The following LMBR1 variants were observed in gnomAD, a reference collection of about 807,000 sequenced individuals.
LMBR1 encodes limb development membrane protein 1, also known as limb region 1 protein homolog.
A neutral mutation model predicts 73.9 loss-of-function variants in LMBR1; 52 were observed. That is an observed-to-expected ratio of 0.70 (90% confidence interval 0.56 to 0.89). LMBR1 has a LOEUF of 0.89. Among genes scored for constraint, LMBR1 ranks in the 40% least tolerant of loss-of-function variants. The pLI is 0.00. For synonymous variants in LMBR1, 215 were observed against 209.4 expected (o/e 1.03, Z -0.23); for missense variants, 539 against 579.8 (o/e 0.93, Z 0.72).
intron 15 of LMBR1, among the ~76,000 whole-genome samples, chr7:156,711,224 C>T (rs943757061): frequency 2.6e-5 from 4 of 152,050 alleles, no homozygotes; most frequent in African/African-American, 9.7e-5. Context: ...GCAGGAGAAT[C>T]GCTTGAACCT....
At chr7:156,849,304 C>T (rs1282137833) in intron 1 of LMBR1, among the ~76,000 whole-genome samples, 1 of 152,046 alleles carries the variant, frequency 6.6e-6, no homozygotes, top group African/African-American at 2.4e-5. Flanking sequence ...TAAGAGGGGG[C>T]TAAATACTGA....
chr7:156,844,656 G>T (rs1839310541), intron 1 of LMBR1, among the ~76,000 whole-genome samples: 1 of 150,818 alleles, frequency 6.6e-6, no homozygotes, highest in Non-Finnish European at 1.5e-5. Flanking sequence ...CTGGCATCTT[G>T]TGATACTGTG....
chr7:156,684,458 A>G (rs1356961217), intron 16 of LMBR1, among the ~76,000 whole-genome samples: 2 of 152,156 alleles, frequency 1.3e-5, no homozygotes, highest in Non-Finnish European at 2.9e-5. Flanking sequence ...CTGAAGGGCC[A>G]TCGAAGTCAC....
intron 4 of LMBR1, among the ~76,000 whole-genome samples, chr7:156,797,701 A>G (rs1266748906): frequency 6.6e-6 from 1 of 152,252 alleles, no homozygotes; most frequent in Non-Finnish European, 1.5e-5. Flanking sequence ...GAGTATAAAC[A>G]AACACAATTA....
intron 15 of LMBR1, among the ~76,000 whole-genome samples, chr7:156,722,595 C>T (rs1251351692): frequency 1.3e-5 from 2 of 152,062 alleles, no homozygotes; most frequent in Admixed American, 6.6e-5. Flanking sequence ...TAATGCAGTG[C>T]GTGTTGATAT....
At chr7:156,757,818 CA>C (rs1822182919) in intron 8 of LMBR1, among the ~76,000 whole-genome samples, 1 of 152,174 alleles carries the variant, frequency 6.6e-6, no homozygotes, top group African/African-American at 2.4e-5. Context: ...TGAAGCAATC[CA>C]ATAATTCCCA....
chr7:156,873,443 T>C (rs1799644298), intron 1 of LMBR1, among the ~76,000 whole-genome samples: 1 of 152,114 alleles, frequency 6.6e-6, no homozygotes, highest in Non-Finnish European at 1.5e-5. Flanking sequence ...AGAACAAAGC[T>C]TCCACAGTGT....
At chr7:156,890,074 T>C (rs541903003) in intron 1 of LMBR1, among the ~76,000 whole-genome samples, 2 of 152,198 alleles carry the variant, frequency 1.3e-5, no homozygotes, top group African/African-American at 4.8e-5. Flanking sequence ...AATTAAACCC[T>C]ATGAATATAC....
chr7:156,736,962 T>C (rs1009900802), intron 9 of LMBR1, among the ~76,000 whole-genome samples: 1 of 152,162 alleles, frequency 6.6e-6, no homozygotes, highest in Non-Finnish European at 1.5e-5. Flanking sequence ...TCCCCCAGTG[T>C]CTTTAGACCT....
At chr7:156,768,748 A>G (rs1393325418) in intron 5 of LMBR1, among the ~76,000 whole-genome samples, 1 of 152,158 alleles carries the variant, frequency 6.6e-6, no homozygotes. Context: ...GAGGCCTGTT[A>G]AGCTTCTTCC....
At chr7:156,763,862 C>A in intron 5 of LMBR1, 67 bp from the exon 6 acceptor site, 1 of 1,331,472 alleles carries the variant, frequency 7.5e-7, no homozygotes, top group African/African-American at 1.5e-5. Context: ...AGGTTTCTGC[C>A]TATATGAAAG....
At chr7:156,802,769 CT>C (rs201657875) in intron 4 of LMBR1, among the ~76,000 whole-genome samples, 1,545 of 151,106 alleles carry the variant, frequency 0.01, 13 homozygotes, top group Middle Eastern at 0.061. Flanking sequence ...TCCCTGCCCC[CT>C]GCCACTCCCC....
At chr7:156,838,500 A>G (rs1381042585) in intron 1 of LMBR1, among the ~76,000 whole-genome samples, 1 of 152,206 alleles carries the variant, frequency 6.6e-6, no homozygotes, top group African/African-American at 2.4e-5. Context: ...TTTACTTAAC[A>G]TAATTAATGT....
chr7:156,835,396 A>G (rs189181879), intron 2 of LMBR1, among the ~76,000 whole-genome samples: 1 of 152,142 alleles, frequency 6.6e-6, no homozygotes, highest in South Asian at 2.1e-4. Flanking sequence ...CTCACATCCA[A>G]TTAATTATCC....
intron 15 of LMBR1, among the ~76,000 whole-genome samples, chr7:156,720,870 T>C (rs973506634): frequency 1.3e-5 from 2 of 152,052 alleles, no homozygotes; most frequent in Non-Finnish European, 1.5e-5. Context: ...TGTGAAAGCA[T>C]TGTTTATTTC....
At chr7:156,750,416 T>C (rs533601959) in intron 9 of LMBR1, among the ~76,000 whole-genome samples, 4 of 152,218 alleles carry the variant, frequency 2.6e-5, no homozygotes, top group Admixed American at 1.3e-4. Context: ...GGAGTAGAAA[T>C]GGTTCTTGAT....
intron 15 of LMBR1, among the ~76,000 whole-genome samples, chr7:156,703,551 G>A (rs1249210432): frequency 2.0e-5 from 3 of 152,170 alleles, no homozygotes; most frequent in African/African-American, 7.2e-5. Flanking sequence ...ACAAGGATAG[G>A]AGAGGGACAC....
At chr7:156,860,813 C>G (rs1278847836) in intron 1 of LMBR1, among the ~76,000 whole-genome samples, 1 of 152,244 alleles carries the variant, frequency 6.6e-6, no homozygotes, top group Non-Finnish European at 1.5e-5. Flanking sequence ...AATCTTAAAG[C>G]TCCAAAATGG....
At chr7:156,736,230 G>C (rs1201649297) in intron 9 of LMBR1, among the ~76,000 whole-genome samples, 3 of 152,064 alleles carry the variant, frequency 2.0e-5, no homozygotes, top group African/African-American at 7.2e-5. Context: ...ATCCAAATCA[G>C]GTACTTTACT....
Sources: allele counts gnomAD v4.1 joint callset (sites outside exome capture counted in the v4.1 genomes callset), GRCh38; gene constraint gnomAD v4.1.1; transcripts MANE v1.5; gene names NCBI Gene and HGNC (gene_info 2026-07-23, HGNC 2026-07-21).